Variants in TMEM178B observed in about 807,000 individuals in gnomAD.
The protein encoded by TMEM178B is transmembrane protein 178B.
TMEM178B carries 5 observed loss-of-function variants against 31.0 expected under a neutral mutation model. The ratio of observed to expected loss-of-function variants is 0.16; its 90% CI spans 0.08 to 0.34. The LOEUF (loss-of-function observed/expected upper bound fraction) is 0.34. Among genes scored for constraint, TMEM178B ranks in the 10% least tolerant of loss-of-function variants. The probability of loss-of-function intolerance (pLI) is 1.00; values close to 1 mark genes in which losing one functional copy is unlikely to be tolerated. For missense variants in TMEM178B, 275 were observed against 400.3 expected, an observed-to-expected ratio of 0.69 and a Z score of 2.67; for synonymous variants, 164 against 164.0, an observed-to-expected ratio of 1.00 and a Z score of 0.00.
chr7:141,442,086 C>A (rs1338655096), intron 3 of TMEM178B, among the ~76,000 whole-genome samples: 1 of 152,226 alleles, frequency 6.6e-6, no homozygotes, highest in Non-Finnish European at 1.5e-5. Flanking sequence ...CAGGGAAAGA[C>A]TGCAGGCAAG....
intron 1 of TMEM178B, among the ~76,000 whole-genome samples, chr7:141,163,641 A>C (rs10266219): frequency 0.051 from 7,775 of 151,400 alleles, 614 homozygotes; most frequent in African/African-American, 0.17. Flanking sequence ...CAGTCTGCCG[A>C]GTAGCTGGGA....
intron 1 of TMEM178B, among the ~76,000 whole-genome samples, chr7:141,083,005 A>G (rs376652672): frequency 1.3e-5 from 2 of 152,146 alleles, no homozygotes; most frequent in Non-Finnish European, 2.9e-5. Context: ...AGTTGAAAAC[A>G]TTTCCCCCTC....
chr7:141,417,205 T>C (rs183604326), intron 2 of TMEM178B, among the ~76,000 whole-genome samples: 60 of 152,296 alleles, frequency 3.9e-4, no homozygotes, highest in Non-Finnish European at 8.4e-4. Context: ...CCAAATGGAA[T>C]AGATGGATTC....
chr7:141,427,289 G>T (rs1801335326), intron 2 of TMEM178B, among the ~76,000 whole-genome samples: 1 of 152,140 alleles, frequency 6.6e-6, no homozygotes, highest in Non-Finnish European at 1.5e-5. Flanking sequence ...AGCTGGAGAT[G>T]TCATACTTCC....
intron 2 of TMEM178B, among the ~76,000 whole-genome samples, chr7:141,425,254 C>T (rs1378909499): frequency 2.6e-5 from 4 of 152,216 alleles, no homozygotes; most frequent in African/African-American, 9.6e-5. Context: ...GGTTGGCTAA[C>T]ACCCTCTAGG....
At chr7:141,462,840 C>A (rs567300275) in intron 3 of TMEM178B, among the ~76,000 whole-genome samples, 60 of 151,972 alleles carry the variant, frequency 3.9e-4, no homozygotes, top group African/African-American at 1.4e-3. Context: ...GACTATCCTC[C>A]CCTCTTCCAG....
chr7:141,159,655 G>T (rs142445027), intron 1 of TMEM178B, among the ~76,000 whole-genome samples: 1 of 152,112 alleles, frequency 6.6e-6, no homozygotes, highest in Non-Finnish European at 1.5e-5. Context: ...GCTACAACAC[G>T]GATGAACCTG....
intron 2 of TMEM178B, among the ~76,000 whole-genome samples, chr7:141,313,646 G>A (rs932489461): frequency 5.3e-5 from 8 of 152,104 alleles, no homozygotes; most frequent in African/African-American, 1.7e-4. Context: ...TTGGCTAAAC[G>A]CTTTGCTTCC....
intron 1 of TMEM178B, among the ~76,000 whole-genome samples, chr7:141,204,911 C>T (rs559057252): frequency 6.6e-6 from 1 of 152,290 alleles, no homozygotes; most frequent in East Asian, 1.9e-4. Flanking sequence ...GCCTCAAACT[C>T]CTGGCCTCAA....
intron 2 of TMEM178B, among the ~76,000 whole-genome samples, chr7:141,337,345 A>G (rs1004385358): frequency 2.7e-5 from 4 of 148,686 alleles, no homozygotes; most frequent in Non-Finnish European, 4.5e-5. Flanking sequence ...CATCACTACC[A>G]CTACCCCACT....
At chr7:141,303,638 C>T (rs1412410629) in intron 2 of TMEM178B, among the ~76,000 whole-genome samples, 1 of 152,154 alleles carries the variant, frequency 6.6e-6, no homozygotes, top group Non-Finnish European at 1.5e-5. Context: ...ACACGTGCAA[C>T]CAGGTTTTGG....
At chr7:141,139,085 A>G (rs1187690898) in intron 1 of TMEM178B, among the ~76,000 whole-genome samples, 2 of 152,162 alleles carry the variant, frequency 1.3e-5, no homozygotes, top group African/African-American at 4.8e-5. Context: ...TTTCTCAGAG[A>G]TATAAAAAAT....
chr7:141,383,326 G>A (rs376883435), intron 2 of TMEM178B, among the ~76,000 whole-genome samples: 1 of 150,750 alleles, frequency 6.6e-6, no homozygotes, highest in Non-Finnish European at 1.5e-5. Flanking sequence ...CCATTAACTC[G>A]TCATTTACAT....
intron 2 of TMEM178B, among the ~76,000 whole-genome samples, chr7:141,372,717 TCAGAGAACTGCTTTGAAAATG>T (rs1209331457): frequency 1.3e-5 from 2 of 152,186 alleles, no homozygotes; most frequent in Admixed American, 1.3e-4. Flanking sequence ...GAGCAAAACC[TCAGAGAACTGCTTTGAAAATG>T]CAGAGAACTG....
At chr7:141,440,922 C>T (rs1226569524) in intron 3 of TMEM178B, among the ~76,000 whole-genome samples, 1 of 152,184 alleles carries the variant, frequency 6.6e-6, no homozygotes, top group African/African-American at 2.4e-5. Flanking sequence ...GTCCACATAC[C>T]TTGTGAGTAC....
rs1802245269 is a variant in TMEM178B at position 141,471,718 on chromosome 7, G to A, written c.*932G>A. On this transcript the variant is annotated 3_prime_UTR_variant, in exon 4 of 4. Coordinates refer to ENST00000565468, the MANE Select transcript of TMEM178B (RefSeq NM_001195278.2). The surrounding 1 kb of genome is among the most constrained non-coding windows in gnomAD (Gnocchi z 4.1). ...GGCCCAGAGACCTAGAAATTGTCATGAGGGACAGGCCTATAAGGGTGCCAA... is the reference window on the plus strand; with the variant it reads ...GGCCCAGAGACCTAGAAATTGTCATAAGGGACAGGCCTATAAGGGTGCCAA... The A allele has an allele frequency of 6.6e-6, 1 of 151,532 alleles. No homozygotes were observed. The highest frequency in any genetic ancestry group is 6.6e-5 in the Admixed American group (1 of 15,178). 9.4% of individuals were successfully genotyped at this position (151,532 alleles called of 1,614,324 possible). A position where few individuals can be genotyped will look rare whatever the true frequency, so the allele number is the denominator to read the frequency against.
At position 141,212,603 on chromosome 7, in the gene TMEM178B, G is replaced by C. The variant is rs960934820; in HGVS notation, c.395G>C (p.Arg132Pro). 4 of 1,535,862 alleles carry C rather than the reference G, an allele frequency of 2.6e-6. No individual in the cohort carries two copies. The highest frequency in any genetic ancestry group is 1.7e-4 in the Middle Eastern group (1 of 6,012). ...TTCTCTTTTCTAGGAGAAATTGAGC[G>C]ATGTACGTACATCAAATACCACTAC... The part of the protein sequence containing the change: ...AALIRKGEIE[R>P]CTYIKYHYSS... The change falls in exon 2 of 4, where the codon CGA becomes CCA. Residue 132 changes from arginine (R) to proline (P), a missense_variant. Arg to Pro is a moderately radical substitution (Grantham distance 103). Coordinates refer to ENST00000565468, the MANE Select transcript of TMEM178B (RefSeq NM_001195278.2).
In TMEM178B at chr7:141,460,108, A is replaced by G. The variant is rs548035565; in HGVS notation, c.635-10428A>G. Among the ~76,000 whole-genome samples the G allele has an allele frequency of 2.0e-5, 3 of 152,360 alleles. No homozygotes were observed. The South Asian group carries it at 6.2e-4, about 32-fold the overall frequency. ...AATATTAATAAGCCAATTATTGTAT[A>G]TTCACCTATTGTATTACTTTGTCAG... On this transcript the variant is annotated intron_variant, in intron 3 of 3. Coordinates refer to ENST00000565468, the MANE Select transcript of TMEM178B (RefSeq NM_001195278.2).
the TMEM178B span, among the ~76,000 whole-genome samples, chr7:141,504,937 T>C: frequency 6.6e-6 from 1 of 152,256 alleles, no homozygotes; most frequent in Non-Finnish European, 1.5e-5. Flanking sequence ...GGCCTAGGCC[T>C]GTATTTTAAC....
Sources: allele counts gnomAD v4.1 joint callset (sites outside exome capture counted in the v4.1 genomes callset), GRCh38; gene constraint gnomAD v4.1.1; non-coding constraint Gnocchi (gnomAD v3.1); transcripts MANE v1.5; gene names NCBI Gene and HGNC (gene_info 2026-07-23, HGNC 2026-07-21).